The following INTS2 variants were observed in gnomAD, a reference collection of about 807,000 sequenced individuals.
The protein encoded by INTS2 is integrator complex subunit 2.
Under a neutral mutation model 139.6 loss-of-function variants are expected in INTS2, and 57 were observed. The observed-to-expected ratio is 0.41, with a 90% confidence interval of 0.33 to 0.51. The LOEUF is 0.51. Ranked by LOEUF, INTS2 falls within the 20% of genes least tolerant of loss-of-function variation. The pLI, the probability that INTS2 is intolerant of heterozygous loss-of-function variation, is 0.28. For missense variants in INTS2, 1,196 were observed against 1,436.7 expected, an observed-to-expected ratio of 0.83 and a Z score of 2.71; for synonymous variants, 473 against 493.4, an observed-to-expected ratio of 0.96 and a Z score of 0.55.
At chr17:61,885,200 A>T in intron 15 of INTS2, 195 bp from the exon 16 acceptor site, 1 of 555,094 alleles carries the variant, frequency 1.8e-6, no homozygotes, top group Non-Finnish European at 3.2e-6. Flanking sequence ...TACCTGGAGC[A>T]AGATCTGGAA....
chr17:61,884,382 A>G (rs2079206081), intron 16 of INTS2, among the ~76,000 whole-genome samples: 2 of 152,086 alleles, frequency 1.3e-5, no homozygotes, highest in Admixed American at 1.3e-4. Flanking sequence ...AATCCCAGCT[A>G]TTTGAGTGGC....
intron 5 of INTS2, among the ~76,000 whole-genome samples, chr17:61,915,115 A>C (rs1295392673): frequency 1.3e-5 from 2 of 151,024 alleles, no homozygotes. Flanking sequence ...AAGGCAGGCG[A>C]TTCACAAGGT....
chr17:61,874,484 G>C (rs1230668558), intron 19 of INTS2, among the ~76,000 whole-genome samples: 1 of 152,178 alleles, frequency 6.6e-6, no homozygotes, highest in East Asian at 1.9e-4. Flanking sequence ...AATTGGTAAG[G>C]ATTTAGAGCC....
chr17:61,881,368 G>A (rs562928512), intron 16 of INTS2, among the ~76,000 whole-genome samples, 197 bp from the exon 17 acceptor site: 9 of 152,108 alleles, frequency 5.9e-5, no homozygotes, highest in South Asian at 4.1e-4. Context: ...AAGCCGAGGC[G>A]GGTGGATCAC....
chr17:61,880,058 T>C (rs868387632), intron 17 of INTS2, among the ~76,000 whole-genome samples: 1 of 152,182 alleles, frequency 6.6e-6, no homozygotes, highest in Non-Finnish European at 1.5e-5. Context: ...ATATTTCTTT[T>C]TTTGACATGG....
rs1258215948 is a variant in INTS2 at position 61,893,249 on chromosome 17, ATATAAT to A, written c.1698+510_1698+515del. On this transcript the variant is annotated intron_variant, in intron 13 of 24. Coordinates refer to ENST00000251334, the MANE Select transcript of INTS2 (RefSeq NM_001351695.2). This position sits in a 1 kb window ranked among gnomAD's most constrained non-coding sequence, Gnocchi z 5.4. ...AAAAATCTGAAATTACTGTATAATT[ATATAAT>A]TATAATTACTATCCCTAATTACTAT... Among the ~76,000 whole-genome samples, 2 of 152,158 alleles carry A rather than the reference ATATAAT, an allele frequency of 1.3e-5. No homozygotes were observed. The highest frequency in any genetic ancestry group is 4.8e-5 in the African/African-American group (2 of 41,446).
At chr17:61,885,188 C>T in intron 15 of INTS2, 183 bp from the exon 16 acceptor site, 1 of 574,374 alleles carries the variant, frequency 1.7e-6, no homozygotes, top group Non-Finnish European at 3.1e-6. Context: ...AGAACAAGAA[C>T]ATACCTGGAG....
chr17:61,904,357 C>G (rs1382566983), intron 9 of INTS2, 103 bp downstream of exon 9: 46 of 821,368 alleles, frequency 5.6e-5, no homozygotes, highest in Non-Finnish European at 8.4e-5. Flanking sequence ...CTGTCCATAC[C>G]TAGACCAGCT....
At position 61,919,497 on chromosome 17, in the gene INTS2, G is replaced by T; in HGVS notation, c.552C>A (p.Leu184=). The T allele has an allele frequency of 6.3e-7, 1 of 1,583,280 alleles. No homozygotes were observed. Among genetic ancestry groups the T allele is most frequent in the South Asian group, 1.1e-5 (1 of 86,972 alleles). ...AAGCTTCAGCTACATCAACTATAGG[G>T]AGCAAGGAAGGGAGCTCTACAAGAA... ...CILQAELPSL[L]PIVDVAEALL... is the part of the protein sequence containing the mutation. The change falls in exon 5 of 25, where the codon CTC becomes CTA. Residue 184 remains leucine, a synonymous_variant. Coordinates refer to ENST00000251334, the MANE Select transcript of INTS2 (RefSeq NM_001351695.2).
rs905612876 is a variant in INTS2, at chr17:61,893,471, A to G, written c.1698+294T>C. Among the ~76,000 whole-genome samples the G allele has an allele frequency of 6.6e-6, 1 of 152,086 alleles. No individual in the cohort carries two copies. The highest frequency in any genetic ancestry group is 2.4e-5 in the African/African-American group (1 of 41,408). On this transcript the variant is annotated intron_variant, in intron 13 of 24. Coordinates refer to ENST00000251334, the MANE Select transcript of INTS2 (RefSeq NM_001351695.2). This position sits in a 1 kb window ranked among gnomAD's most constrained non-coding sequence, Gnocchi z 5.4. ...AGCACTTTGGTCGGTTGAGACAGGCATATCACTTGAGGTCAGGAGTTCGAC... is the reference window on the plus strand; with the variant it reads ...AGCACTTTGGTCGGTTGAGACAGGCGTATCACTTGAGGTCAGGAGTTCGAC...
chr17:61,872,322 T>C lies in INTS2; in HGVS notation c.2721A>G (p.Gln907=). The change falls in exon 20 of 25, where the codon CAA becomes CAG. Residue 907 remains glutamine, a synonymous_variant. Transcript: ENST00000251334. The surrounding 1 kb of genome is among the most constrained non-coding windows in gnomAD (Gnocchi z 4.8). ...CCCTGGTAACTTCCGGAGCATCAGT[T>C]TGTCCAACTAAACCAATTGTATTAT... is the stretch of plus-strand genomic sequence containing the variant. The part of the protein sequence containing the change: ...SQNNTIGLVG[Q]TDAPEVTREE... The C allele has an allele frequency of 5.6e-6, 9 of 1,613,264 alleles. No homozygotes were observed. The highest frequency in any genetic ancestry group is 7.6e-6 in the Non-Finnish European group (9 of 1,179,420).
intron 16 of INTS2, among the ~76,000 whole-genome samples, chr17:61,883,873 G>A (rs757168786): frequency 1.3e-5 from 2 of 151,854 alleles, no homozygotes; most frequent in Non-Finnish European, 2.9e-5. Context: ...GCTGGGCGTG[G>A]TGGCATAGGC....
In INTS2 at chr17:61,872,370, T is replaced by C; in HGVS notation, c.2673A>G (p.Thr891=). Residue 891 remains threonine (T), a synonymous_variant, in exon 20 of 25, where the codon ACA becomes ACG. Transcript: ENST00000251334. The surrounding 1 kb of genome is among the most constrained non-coding windows in gnomAD (Gnocchi z 4.8). ...KAYLSAHLKE[T]EQDRPSQNNT... is the part of the protein sequence containing the mutation. ...TATTCTGGGAAGGCCTATCTTGCTC[T>C]GTTTCCTTCAGATGAGCACTAAGGT... is the stretch of plus-strand genomic sequence containing the variant. 4 of 1,612,702 alleles carry C rather than the reference T, an allele frequency of 2.5e-6. No individual in the cohort carries two copies. Among genetic ancestry groups the C allele is most frequent in the Non-Finnish European group, 3.4e-6 (4 of 1,178,844 alleles).
chr17:61,926,566 C>T lies in INTS2; in HGVS notation c.79G>A (p.Ala27Thr). The change falls in exon 2 of 25, where the codon GCA becomes ACA. Residue 27 changes from alanine (A) to threonine (T), a missense_variant. Transcript: ENST00000251334. ...CTTAATTCTGGATCACTTAAAGATG[C>T]CAGGCAAACAACATCCACCTTCTGC... ...AMQKVDVVCLASLSDPELRLL... is the reference protein window; with the variant it reads ...AMQKVDVVCLTSLSDPELRLL... 1 of 1,613,000 alleles carries T rather than the reference C, an allele frequency of 6.2e-7. No homozygotes were observed. Among genetic ancestry groups the T allele is most frequent in the Non-Finnish European group, 8.5e-7 (1 of 1,179,440 alleles).
rs2079356391 is a variant in INTS2 at position 61,897,041 on chromosome 17, T to C, written c.1494+428A>G. Among the ~76,000 whole-genome samples the C allele has an allele frequency of 6.6e-6, 1 of 152,110 alleles. No individual in the cohort carries two copies. The highest frequency in any genetic ancestry group is 6.6e-5 in the Admixed American group (1 of 15,256). On this transcript the variant is annotated intron_variant, in intron 11 of 24. Coordinates refer to ENST00000251334, the MANE Select transcript of INTS2 (RefSeq NM_001351695.2). The surrounding 1 kb of genome is among the most constrained non-coding windows in gnomAD (Gnocchi z 4.4). ...ACTAGAAAATCTACATGGGAAATAA[T>C]AAGGGACCTATTAAGAAGATCAAAC...
At chr17:61,921,075 G>C (rs548104094) in intron 4 of INTS2, 1 of 152,412 alleles carries the variant, frequency 6.6e-6, no homozygotes, top group South Asian at 2.1e-4. Flanking sequence ...ATGAGCGACA[G>C]CCTTCTTTAC....
rs1192357737 is a variant in INTS2 at position 61,868,532 on chromosome 17, T to C, written c.3244+502A>G. Among the ~76,000 whole-genome samples the C allele has an allele frequency of 6.6e-6, 1 of 152,172 alleles. No homozygotes were observed. Among genetic ancestry groups the C allele is most frequent in the East Asian group, 1.9e-4 (1 of 5,202 alleles). On this transcript the variant is annotated intron_variant, in intron 23 of 24. Coordinates refer to ENST00000251334, the MANE Select transcript of INTS2 (RefSeq NM_001351695.2). The surrounding 1 kb of genome is among the most constrained non-coding windows in gnomAD (Gnocchi z 4.7). Reference sequence around the variant, plus strand: ...AAGGGTTGCATTATAGTTCATATATTTTAAAGTAGTTTATTTTCAGACCAT... The same window carrying C: ...AAGGGTTGCATTATAGTTCATATATCTTAAAGTAGTTTATTTTCAGACCAT...
Position 61,926,540 on chromosome 17 carries a change from T to C in INTS2, c.105A>G (p.Arg35=), listed in dbSNP as rs2143200789. The C allele has an allele frequency of 1.2e-6, 2 of 1,613,760 alleles. No homozygotes were observed. The highest frequency in any genetic ancestry group is 2.2e-5 in the South Asian group (2 of 91,020). Residue 35 remains arginine (R), a synonymous_variant, in exon 2 of 25, where the codon AGA becomes AGG. Transcript: ENST00000251334. ...TCCGTACCAAACAGGGCAGAAGAAG[T>C]CTTAATTCTGGATCACTTAAAGATG... ...CLASLSDPEL[R]LLLPCLVRMA... is the part of the protein sequence containing the mutation.
chr17:61,904,341 C>T, intron 9 of INTS2, 119 bp downstream of exon 9: 1 of 700,480 alleles, frequency 1.4e-6, no homozygotes, highest in Non-Finnish European at 2.3e-6. Context: ...CAAAACAAAA[C>T]TACGACTGTC....
Sources: gnomAD v4.1 joint callset for allele counts (sites outside exome capture counted in the v4.1 genomes callset) on GRCh38, gnomAD v4.1.1 for gene constraint, Gnocchi (gnomAD v3.1) non-coding constraint, MANE v1.5 for transcripts, NCBI Gene and HGNC (gene_info 2026-07-23, HGNC 2026-07-21) for gene names.